CADM2: variants seen among roughly 807,000 people sequenced by gnomAD.
CADM2 encodes immunoglobulin superfamily member 4D.
In CADM2, 12 loss-of-function variants were observed where a neutral mutation model predicts 49.8. The observed-to-expected ratio is 0.24, with a 90% CI of 0.15 to 0.39. CADM2 has a LOEUF of 0.39. Among genes scored for constraint, CADM2 ranks in the 10% least tolerant of loss-of-function variants. The pLI is 1.00. For missense variants in CADM2, 378 were observed against 492.3 expected, an observed-to-expected ratio of 0.77 and a Z score of 2.20; for synonymous variants, 214 against 175.4, an observed-to-expected ratio of 1.22 and a Z score of -1.74.
At chr3:85,560,179 G>A (rs1166371824) in intron 1 of CADM2, among the ~76,000 whole-genome samples, 1 of 152,154 alleles carries the variant, frequency 6.6e-6, no homozygotes, top group South Asian at 2.1e-4. Flanking sequence ...ATATGCCTGC[G>A]GTTGCTTTCA....
intron 2 of CADM2, among the ~76,000 whole-genome samples, chr3:85,765,346 T>A (rs1193703049): frequency 6.6e-6 from 1 of 152,118 alleles, no homozygotes; most frequent in Admixed American, 6.6e-5. Context: ...GATTCATTAA[T>A]GTTGTCTGTG....
intron 8 of CADM2, among the ~76,000 whole-genome samples, chr3:86,006,951 G>T (rs993967362): frequency 6.6e-6 from 1 of 152,082 alleles, no homozygotes; most frequent in African/African-American, 2.4e-5. Context: ...TGAGGCAAGA[G>T]AATTGCTTGA....
At chr3:85,023,924 G>C (rs1410425827) in intron 1 of CADM2, among the ~76,000 whole-genome samples, 1 of 151,944 alleles carries the variant, frequency 6.6e-6, no homozygotes, top group East Asian at 1.9e-4. Context: ...ATAAGTTTGG[G>C]ATTTGCTTCT....
At chr3:85,396,928 A>G (rs1377289303) in intron 1 of CADM2, among the ~76,000 whole-genome samples, 1 of 152,118 alleles carries the variant, frequency 6.6e-6, no homozygotes, top group East Asian at 1.9e-4. Flanking sequence ...AAAATTAAGG[A>G]CTTTTGTTTA....
chr3:85,833,890 G>T (rs1380666591), intron 3 of CADM2, among the ~76,000 whole-genome samples: 1 of 151,404 alleles, frequency 6.6e-6, no homozygotes, highest in Non-Finnish European at 1.5e-5. Flanking sequence ...TTTTCCATCT[G>T]TTAAAAATGC....
At chr3:85,844,281 G>A (rs1297744120) in intron 3 of CADM2, among the ~76,000 whole-genome samples, 4 of 152,066 alleles carry the variant, frequency 2.6e-5, no homozygotes, top group Non-Finnish European at 5.9e-5. Flanking sequence ...GATGGACTAA[G>A]TTTAGAGTTC....
At chr3:85,863,623 G>T (rs1010175016) in intron 3 of CADM2, among the ~76,000 whole-genome samples, 2 of 152,124 alleles carry the variant, frequency 1.3e-5, no homozygotes, top group Non-Finnish European at 2.9e-5. Context: ...GCACTTTGAT[G>T]TTAGACTTCT....
At chr3:85,064,379 T>A (rs1239687643) in intron 1 of CADM2, among the ~76,000 whole-genome samples, 3 of 152,140 alleles carry the variant, frequency 2.0e-5, no homozygotes, top group African/African-American at 7.2e-5. Flanking sequence ...TGCCCCAAAA[T>A]GATTAAATAA....
At chr3:85,613,456 C>G (rs1299143056) in intron 1 of CADM2, among the ~76,000 whole-genome samples, 1 of 151,520 alleles carries the variant, frequency 6.6e-6, no homozygotes, top group Admixed American at 6.6e-5. Context: ...TAGCACTTTT[C>G]AAAACCACAG....
At chr3:85,574,843 T>C (rs2062585845) in intron 1 of CADM2, among the ~76,000 whole-genome samples, 1 of 152,130 alleles carries the variant, frequency 6.6e-6, no homozygotes, top group African/African-American at 2.4e-5. Flanking sequence ...CATAAAATTG[T>C]CAGTAGAGCA....
intron 1 of CADM2, among the ~76,000 whole-genome samples, chr3:85,524,757 A>G (rs913783709): frequency 2.0e-5 from 3 of 152,152 alleles, no homozygotes; most frequent in South Asian, 2.1e-4. Flanking sequence ...GGATTTGTCT[A>G]TTCCTCCTTA....
At chr3:85,635,324 A>G (rs1225997669) in intron 1 of CADM2, among the ~76,000 whole-genome samples, 1 of 152,114 alleles carries the variant, frequency 6.6e-6, no homozygotes, top group Non-Finnish European at 1.5e-5. Context: ...ACTATGTCAC[A>G]CTGCCTCCAC....
At chr3:85,961,405 C>G (rs1724802607) in intron 7 of CADM2, 64 bp from the exon 8 acceptor site, 1 of 1,334,476 alleles carries the variant, frequency 7.5e-7, no homozygotes, top group Non-Finnish European at 1.0e-6. Flanking sequence ...AATTGATTTA[C>G]TAAATTTACA....
intron 2 of CADM2, among the ~76,000 whole-genome samples, chr3:85,774,317 G>T (rs926507365): frequency 6.6e-6 from 1 of 151,720 alleles, no homozygotes; most frequent in East Asian, 1.9e-4. Flanking sequence ...GATATTTTAT[G>T]CAGTATTATT....
At position 85,042,902 on chromosome 3, in the gene CADM2, T is replaced by C. The variant is rs555244250; in HGVS notation, c.61+83234T>C. 3.9e-5 allele frequency among the ~76,000 whole-genome samples: 6 copies of C among 152,214 alleles called. No individual in the cohort carries two copies. In the South Asian group the frequency reaches 8.3e-4, roughly 21 times the overall value. ...GATTAATAGGCGGTAAACATACAAA[T>C]GTTATTCATTTGTACATGCACATAG... On this transcript the variant is annotated intron_variant, in intron 1 of 9. Coordinates refer to ENST00000383699, the MANE Select transcript of CADM2 (RefSeq NM_001167675.2).
intron 1 of CADM2, among the ~76,000 whole-genome samples, chr3:85,647,825 A>G (rs550444360): frequency 2.0e-5 from 3 of 151,950 alleles, no homozygotes; most frequent in Non-Finnish European, 4.4e-5. Context: ...CATATCAACT[A>G]TGATTCATAT....
chr3:85,783,797 G>C (rs1454414929), intron 2 of CADM2, among the ~76,000 whole-genome samples: 1 of 152,144 alleles, frequency 6.6e-6, no homozygotes, highest in Non-Finnish European at 1.5e-5. Context: ...TGGATTCTAA[G>C]CATTTAGAAC....
chr3:85,924,805 T>G (rs1039063708), intron 6 of CADM2, among the ~76,000 whole-genome samples: 3 of 152,144 alleles, frequency 2.0e-5, no homozygotes, highest in African/African-American at 4.8e-5. Context: ...AAATATTGGT[T>G]CTTTACCTGA....
At chr3:85,475,178 G>A (rs1442750327) in intron 1 of CADM2, among the ~76,000 whole-genome samples, 1 of 151,850 alleles carries the variant, frequency 6.6e-6, no homozygotes, top group African/African-American at 2.4e-5. Context: ...ATTTTTACTT[G>A]ACTTTAATGT....
Sources: gnomAD v4.1 joint callset for allele counts (sites outside exome capture counted in the v4.1 genomes callset) on GRCh38, gnomAD v4.1.1 for gene constraint, MANE v1.5 for transcripts, NCBI Gene and HGNC (gene_info 2026-07-23, HGNC 2026-07-21) for gene names.